Variants in MCPH1 observed in about 807,000 individuals in gnomAD.
MCPH1 encodes microcephalin.
In MCPH1, 104 loss-of-function variants were observed where a neutral mutation model predicts 84.5. The ratio of observed to expected loss-of-function variants is 1.23; its 90% CI spans 1.05 to 1.45. The LOEUF is 1.45. Ranked by LOEUF, MCPH1 falls within the 40% of genes most tolerant of loss-of-function variation. The pLI is 0.00. For synonymous variants in MCPH1, 514 were observed against 366.8 expected (o/e 1.40, Z -4.58); for missense variants, 1,498 against 1,005.7 (o/e 1.49, Z -6.62).
At chr8:6,616,882 C>G (rs1439237288) in intron 12 of MCPH1, 1 of 152,198 alleles carries the variant, frequency 6.6e-6, no homozygotes, top group Non-Finnish European at 1.5e-5. Context: ...AAAGAGACAT[C>G]TTGGGTTCTG....
intron 12 of MCPH1, among the ~76,000 whole-genome samples, chr8:6,592,641 T>TTTTTTTTG (rs1238168977): frequency 8.7e-4 from 93 of 107,448 alleles, no homozygotes; most frequent in East Asian, 1.3e-3. Flanking sequence ...TTTTTTTTTT[T>TTTTTTTTG]TTGTTGCTGT....
chr8:6,406,663 C>G lies in MCPH1; in HGVS notation c.-5C>G, dbSNP rs771277920. On this transcript the variant is annotated 5_prime_UTR_variant, in exon 1 of 14. Coordinates refer to ENST00000344683, the MANE Select transcript of MCPH1 (RefSeq NM_024596.5). Reference sequence around the variant, plus strand: ...AGGCCAGCTGGCCGGATCCCGCCGTCTGTCATGGCGGCCCCCATCCTGAAA... The same window carrying G: ...AGGCCAGCTGGCCGGATCCCGCCGTGTGTCATGGCGGCCCCCATCCTGAAA... 141 of 1,612,154 alleles carry G rather than the reference C, an allele frequency of 8.7e-5. No individual in the cohort carries two copies. The highest frequency in any genetic ancestry group is 1.0e-4 in the Non-Finnish European group (119 of 1,179,526).
Position 6,621,536 on chromosome 8 carries a change from C to G in MCPH1, c.2297C>G (p.Pro766Arg). The G allele has an allele frequency of 6.2e-7, 1 of 1,614,214 alleles. No individual in the cohort carries two copies. The change falls in exon 13 of 14, where the codon CCT becomes CGT. Residue 766 changes from proline (P) to arginine (R), a missense_variant. Coordinates refer to ENST00000344683, the MANE Select transcript of MCPH1 (RefSeq NM_024596.5). Reference sequence around the variant, plus strand: ...GACCAGCCAGCGATGTTTGTCTCGCCTGCCAGCAGCCCCCCAGTGGCCAAG... The same window carrying G: ...GACCAGCCAGCGATGTTTGTCTCGCGTGCCAGCAGCCCCCCAGTGGCCAAG... ...FADQPAMFVS[P>R]ASSPPVAKLC...
chr8:6,624,620 T>A (rs1831866567), intron 13 of MCPH1, among the ~76,000 whole-genome samples: 1 of 152,228 alleles, frequency 6.6e-6, no homozygotes, highest in Admixed American at 6.5e-5. Flanking sequence ...TTTCTGTCCG[T>A]ACATACTTCT....
intron 12 of MCPH1, among the ~76,000 whole-genome samples, chr8:6,596,932 C>G (rs770513575): frequency 6.6e-6 from 1 of 152,250 alleles, no homozygotes; most frequent in African/African-American, 2.4e-5. Flanking sequence ...ATAGAGGATA[C>G]GGTCAGAGTT....
At chr8:6,461,698 C>G (rs1806317476) in intron 9 of MCPH1, among the ~76,000 whole-genome samples, 1 of 152,138 alleles carries the variant, frequency 6.6e-6, no homozygotes, top group African/African-American at 2.4e-5. Context: ...GTAATCTTAG[C>G]TTGCAGCATG....
At chr8:6,456,657 CT>C (rs35818409) in intron 9 of MCPH1, among the ~76,000 whole-genome samples, 326 of 144,442 alleles carry the variant, frequency 2.3e-3, no homozygotes, top group Admixed American at 2.3e-3. Flanking sequence ...CCATGTCTGG[CT>C]TTTTTTTTTT....
intron 2 of MCPH1, 136 bp from the exon 3 acceptor site, chr8:6,414,629 C>T (rs1023878791): frequency 7.2e-6 from 6 of 832,920 alleles, no homozygotes; most frequent in East Asian, 2.9e-5. Flanking sequence ...TTTTAAGCAG[C>T]GTTATGCATT....
rs1028031260 is a variant in MCPH1, at chr8:6,645,537, G to A, written c.*2488G>A. 1 of 146,084 alleles carries A rather than the reference G, an allele frequency of 6.8e-6. No individual in the cohort carries two copies. Among genetic ancestry groups the A allele is most frequent in the African/African-American group, 2.6e-5 (1 of 39,046 alleles). 9.0% of individuals were successfully genotyped at this position (146,084 alleles called of 1,614,324 possible). ...AAAGGAAATTAAAGCTATACAGATTGGAAGTGAAGAAATAAAAGTCTTTAT... is the reference window on the plus strand; with the variant it reads ...AAAGGAAATTAAAGCTATACAGATTAGAAGTGAAGAAATAAAAGTCTTTAT... On this transcript the variant is annotated 3_prime_UTR_variant, in exon 14 of 14. Transcript: ENST00000344683.
chr8:6,531,584 G>A (rs1394459101), intron 12 of MCPH1, among the ~76,000 whole-genome samples: 3 of 152,116 alleles, frequency 2.0e-5, no homozygotes, highest in African/African-American at 2.4e-5. Flanking sequence ...GAGCTACTGC[G>A]CCTGGCCACT....
In MCPH1 at chr8:6,646,896, T is replaced by A. The variant is rs1407393908; in HGVS notation, c.*3847T>A. The A allele has an allele frequency of 1.3e-5, 2 of 152,204 alleles. No homozygotes were observed. Among genetic ancestry groups the A allele is most frequent in the African/African-American group, 4.8e-5 (2 of 41,430 alleles). The allele number at this position is 152,204 out of a possible 1,614,324, so 9.4% of individuals were successfully genotyped here. On this transcript the variant is annotated 3_prime_UTR_variant, in exon 14 of 14. Coordinates refer to ENST00000344683, the MANE Select transcript of MCPH1 (RefSeq NM_024596.5). Reference sequence around the variant, plus strand: ...GCAGGAAATCATTCTGACCTCAGGTTAGGCAAAGCTTTCTTAGATATGACA... The same window carrying A: ...GCAGGAAATCATTCTGACCTCAGGTAAGGCAAAGCTTTCTTAGATATGACA...
At chr8:6,419,183 ACACACGC>A (rs201958858) in intron 3 of MCPH1, among the ~76,000 whole-genome samples, 41,966 of 93,804 alleles carry the variant, frequency 0.45, 6,374 homozygotes, top group East Asian at 0.6. Flanking sequence ...ACACACACAC[ACACACGC>A]ATTTTTACCC....
chr8:6,479,966 C>G (rs1399038649), intron 10 of MCPH1, among the ~76,000 whole-genome samples: 3 of 151,926 alleles, frequency 2.0e-5, no homozygotes, highest in Non-Finnish European at 2.9e-5. Context: ...TGTGTTGATA[C>G]TCAATAAATA....
At chr8:6,419,128 T>C (rs200818203) in intron 3 of MCPH1, among the ~76,000 whole-genome samples, 4,155 of 144,596 alleles carry the variant, frequency 0.029, 169 homozygotes, top group East Asian at 0.16. Context: ...TATATACACA[T>C]ACACACACAC....
rs142889737 is a variant in MCPH1, at chr8:6,551,202, T to A, written c.2214+51273T>A. Among the ~76,000 whole-genome samples, 363 of 152,078 alleles carry A rather than the reference T, an allele frequency of 2.4e-3. 2 individuals are homozygous for A. The highest frequency in any genetic ancestry group is 8.5e-3 in the African/African-American group (354 of 41,488). On this transcript the variant is annotated intron_variant, in intron 12 of 13. Coordinates refer to ENST00000344683, the MANE Select transcript of MCPH1 (RefSeq NM_024596.5). ...GAGCTGGATAGAGAAAGGGTCCTAG[T>A]TAAGCTGAGAGGGCTGCTTATTCGT...
intron 13 of MCPH1, among the ~76,000 whole-genome samples, chr8:6,622,720 T>C (rs1226291019): frequency 6.6e-6 from 1 of 152,224 alleles, no homozygotes; most frequent in African/African-American, 2.4e-5. Context: ...TCCTGTGACC[T>C]CACGTGGCCT....
In MCPH1 at chr8:6,445,059, G is replaced by A. The variant is rs1345282641; in HGVS notation, c.1337G>A (p.Ser446Asn). Residue 446 changes from serine to asparagine, a missense_variant, in exon 8 of 14, where the codon AGT becomes AAT. Coordinates refer to ENST00000344683, the MANE Select transcript of MCPH1 (RefSeq NM_024596.5). ...AGCCCTGCTCAGTTGAGCTGCAGAA[G>A]TCTTTCTAAGAAGGAGAGAACAAGC... ...PSSPAQLSCR[S>N]LSKKERTSIF... The A allele has an allele frequency of 3.1e-6, 5 of 1,614,214 alleles. No individual in the cohort carries two copies. The highest frequency in any genetic ancestry group is 4.2e-6 in the Non-Finnish European group (5 of 1,180,010).
At chr8:6,562,823 G>C in intron 12 of MCPH1, 1 of 1,613,796 alleles carries the variant, frequency 6.2e-7, no homozygotes, top group Middle Eastern at 1.6e-4. Flanking sequence ...CAGGACCCAT[G>C]CTGGACCTGA....
chr8:6,573,014 A>G (rs1826790671), intron 12 of MCPH1, among the ~76,000 whole-genome samples: 1 of 152,376 alleles, frequency 6.6e-6, no homozygotes. Context: ...TTCCAGGCTG[A>G]GAAAATTGCC....
Sources: allele counts gnomAD v4.1 joint callset (sites outside exome capture counted in the v4.1 genomes callset), GRCh38; gene constraint gnomAD v4.1.1; transcripts MANE v1.5; gene names NCBI Gene and HGNC (gene_info 2026-07-23, HGNC 2026-07-21).